The following NBAS variants were observed in gnomAD, a reference collection of about 807,000 sequenced individuals.
NBAS encodes NAG/BC035112 fusion.
In NBAS, 219 loss-of-function variants were observed where a neutral mutation model predicts 302.5. The observed-to-expected ratio is 0.72, with a 90% CI of 0.65 to 0.81. NBAS has a LOEUF of 0.81. Ranked by LOEUF, NBAS falls within the 30% of genes least tolerant of loss-of-function variation. NBAS has a pLI of 0.00. For synonymous variants in NBAS, 1,118 were observed against 1,021.6 expected (o/e 1.09, Z -1.80); for missense variants, 2,932 against 2,841.6 (o/e 1.03, Z -0.72).
At chr2:15,461,934 A>G in intron 19 of NBAS, 143 bp from the exon 20 acceptor site, 2 of 617,688 alleles carry the variant, frequency 3.2e-6, no homozygotes, top group South Asian at 4.2e-5. Flanking sequence ...ATTGTTAACT[A>G]AAGTACTACA....
intron 35 of NBAS, among the ~76,000 whole-genome samples, chr2:15,338,686 C>CACACACAT (rs1416354749): frequency 5.3e-5 from 8 of 150,918 alleles, no homozygotes; most frequent in Non-Finnish European, 8.9e-5. Flanking sequence ...CACACACACA[C>CACACACAT]ACACACACAC....
chr2:15,008,105 T>C, the NBAS span, among the ~76,000 whole-genome samples: 323 of 152,342 alleles, frequency 2.1e-3, 2 homozygotes, highest in African/African-American at 7.4e-3. Flanking sequence ...CCAACAGTTA[T>C]GGCTCCAAAG....
chr2:15,367,006 C>T (rs1397079149), intron 31 of NBAS, among the ~76,000 whole-genome samples: 4 of 152,056 alleles, frequency 2.6e-5, no homozygotes, highest in East Asian at 1.9e-4. Flanking sequence ...AAAATTTAAA[C>T]GAGACAGTAT....
At chr2:15,429,230 A>G (rs374025777) in intron 21 of NBAS, among the ~76,000 whole-genome samples, 6 of 152,290 alleles carry the variant, frequency 3.9e-5, no homozygotes, top group African/African-American at 7.2e-5. Flanking sequence ...AGTCCCTTTT[A>G]GCTTTAACAT....
intron 11 of NBAS, among the ~76,000 whole-genome samples, chr2:15,494,562 A>G (rs767764246): frequency 5.3e-5 from 8 of 152,190 alleles, no homozygotes; most frequent in Admixed American, 4.6e-4. Flanking sequence ...GATCTTTTAT[A>G]TTGGAGGAAT....
intron 50 of NBAS, among the ~76,000 whole-genome samples, chr2:15,181,794 G>C (rs1664837427): frequency 6.6e-6 from 1 of 152,206 alleles, no homozygotes. Context: ...TATGCCTTCT[G>C]TCCTCACACA....
At chr2:15,355,670 G>C (rs1252480446) in intron 33 of NBAS, among the ~76,000 whole-genome samples, 1 of 152,062 alleles carries the variant, frequency 6.6e-6, no homozygotes, top group African/African-American at 2.4e-5. Context: ...AGTGAGTTGA[G>C]ATCTGGTTGT....
chr2:15,167,141 G>C lies in NBAS; in HGVS notation c.7023C>G (p.Ala2341=), dbSNP rs139377604. Residue 2341 remains alanine, a synonymous_variant, in exon 52 of 52, where the codon GCC becomes GCG. Coordinates refer to ENST00000281513, the MANE Select transcript of NBAS (RefSeq NM_015909.4). The part of the protein sequence containing the change: ...GRHLREAGHE[A]EAGSLLLAVR... The stretch of plus-strand genomic sequence containing the variant: ...CGGCCAGAAGGAGAGACCCGGCTTC[G>C]GCTTCATGGCCGGCCTCCCGCAGGT... 1.9e-6 allele frequency: 3 copies of C among 1,614,118 alleles called. No homozygotes were observed. Among genetic ancestry groups the C allele is most frequent in the African/African-American group, 2.7e-5 (2 of 74,952 alleles).
intron 21 of NBAS, among the ~76,000 whole-genome samples, chr2:15,440,501 C>A (rs1322844621): frequency 6.6e-6 from 1 of 152,142 alleles, no homozygotes; most frequent in African/African-American, 2.4e-5. Flanking sequence ...CACCAAAAAC[C>A]CATCTGTACA....
At chr2:15,192,270 C>T (rs527450794) in intron 48 of NBAS, among the ~76,000 whole-genome samples, 1 of 147,760 alleles carries the variant, frequency 6.8e-6, no homozygotes, top group African/African-American at 2.5e-5. Context: ...TCTATCTCAA[C>T]TCCTTAAAAT....
At chr2:15,202,304 T>C (rs13007229) in intron 48 of NBAS, among the ~76,000 whole-genome samples, 42,863 of 152,108 alleles carry the variant, frequency 0.28, 7,400 homozygotes, top group East Asian at 0.68. Context: ...TAAAACATGC[T>C]GTAATCACTC....
At chr2:15,513,572 T>C (rs1357559345) in intron 9 of NBAS, among the ~76,000 whole-genome samples, 2 of 148,040 alleles carry the variant, frequency 1.4e-5, no homozygotes, top group Non-Finnish European at 3.0e-5. Flanking sequence ...CAACAAAAAC[T>C]AGACAGTGAG....
chr2:14,995,689 T>C, the NBAS span, among the ~76,000 whole-genome samples: 2 of 152,210 alleles, frequency 1.3e-5, no homozygotes, highest in Non-Finnish European at 2.9e-5. Context: ...TGTTCTTCAG[T>C]TGCTCAGAGC....
the NBAS span, among the ~76,000 whole-genome samples, chr2:14,843,002 A>T: frequency 6.6e-6 from 1 of 152,322 alleles, no homozygotes; most frequent in East Asian, 1.9e-4. Context: ...GGATACAAGG[A>T]TGGTTCAACA....
chr2:15,087,913 G>A, the NBAS span, among the ~76,000 whole-genome samples: 1 of 152,218 alleles, frequency 6.6e-6, no homozygotes, highest in African/African-American at 2.4e-5. Context: ...GGGTGAAGTA[G>A]GTTGCATTAC....
chr2:14,874,531 T>A, the NBAS span, among the ~76,000 whole-genome samples: 5 of 150,528 alleles, frequency 3.3e-5, no homozygotes, highest in Admixed American at 1.3e-4. Flanking sequence ...TCCCAGCTAC[T>A]TGGGAGGCTG....
At chr2:15,166,712 C>A (rs1197797041), downstream of NBAS, among the ~76,000 whole-genome samples, 1 of 152,170 alleles carries the variant, frequency 6.6e-6, no homozygotes, top group Non-Finnish European at 1.5e-5. Flanking sequence ...CACTCCCTCC[C>A]TTCCTAATGC....
Position 15,533,679 on chromosome 2 carries a change from CGTGTGTGTGTGTGTGTGTGT to C in NBAS, c.746+844_746+863del, listed in dbSNP as rs59222907. On this transcript the variant is annotated intron_variant, in intron 9 of 51. Coordinates refer to ENST00000281513, the MANE Select transcript of NBAS (RefSeq NM_015909.4). ...CACAAGGAGGACTTCGGGGGGTGTG[CGTGTGTGTGTGTGTGTGTGT>C]GTGTGTGTGTGTGTGTGTGTGTGTG... is the stretch of plus-strand genomic sequence containing the variant. Among the ~76,000 whole-genome samples the C allele has an allele frequency of 8.3e-3, 1,186 of 143,742 alleles. 13 individuals are homozygous for C. Among genetic ancestry groups the C allele is most frequent in the African/African-American group, 0.02 (784 of 38,276 alleles). The allele number at this position is 143,742 out of a possible 152,430, so 94.3% of individuals were successfully genotyped here.
At chr2:14,955,159 C>T in the NBAS span, among the ~76,000 whole-genome samples, 1 of 152,226 alleles carries the variant, frequency 6.6e-6, no homozygotes, top group East Asian at 1.9e-4. Context: ...CCACATGCCC[C>T]ATGGAAATCC....
Sources: gnomAD v4.1 joint callset for allele counts (sites outside exome capture counted in the v4.1 genomes callset) on GRCh38, gnomAD v4.1.1 for gene constraint, MANE v1.5 for transcripts, NCBI Gene and HGNC (gene_info 2026-07-23, HGNC 2026-07-21) for gene names.